PREX1: variants seen among roughly 807,000 people sequenced by gnomAD.
The protein encoded by PREX1 is phosphatidylinositol 3,4,5-trisphosphate-dependent Rac exchanger 1 protein.
PREX1 carries 41 observed loss-of-function variants against 198.3 expected under a neutral mutation model. The ratio of observed to expected loss-of-function variants is 0.21; its 90% confidence interval spans 0.16 to 0.27. The LOEUF (loss-of-function observed/expected upper bound fraction) is 0.27. Ranked by LOEUF, PREX1 falls within the 10% of genes least tolerant of loss-of-function variation. The pLI, the probability that PREX1 is intolerant of heterozygous loss-of-function variation, is 1.00. For missense variants in PREX1, 1,620 were observed against 2,200.7 expected (o/e 0.74, Z 5.28); for synonymous variants, 843 against 887.2 (o/e 0.95, Z 0.89).
At chr20:48,862,160 G>A in the PREX1 span, among the ~76,000 whole-genome samples, 1 of 152,090 alleles carries the variant, frequency 6.6e-6, no homozygotes, top group Admixed American at 6.6e-5. Context: ...AGTGAGCCGA[G>A]ACTGCCCCAC....
chr20:48,728,822 T>G (rs1268083695), intron 4 of PREX1, among the ~76,000 whole-genome samples: 1 of 152,052 alleles, frequency 6.6e-6, no homozygotes, highest in Admixed American at 6.5e-5. Context: ...CTTTATTTTC[T>G]TTTAAAAAAA....
the PREX1 span, among the ~76,000 whole-genome samples, chr20:48,835,881 G>A: frequency 6.6e-6 from 1 of 152,190 alleles, no homozygotes; most frequent in African/African-American, 2.4e-5. Context: ...GGAGGATACT[G>A]CACTAGTCCA....
rs1600539971 is a variant in PREX1, at chr20:48,827,869, G to T, written c.-9C>A. On this transcript the variant is annotated 5_prime_UTR_variant, in exon 1 of 40. Coordinates refer to ENST00000371941, the MANE Select transcript of PREX1 (RefSeq NM_020820.4). The surrounding 1 kb of genome is among the most constrained non-coding windows in gnomAD (Gnocchi z 4.1). ...CCGCTGGGCGCCTCCATTCTAGCGCGGCCGCGCGGCGCCGGCTCCTTCCGT... is the reference window on the plus strand; with the variant it reads ...CCGCTGGGCGCCTCCATTCTAGCGCTGCCGCGCGGCGCCGGCTCCTTCCGT... 3.1e-6 allele frequency: 3 copies of T among 979,554 alleles called. No individual in the cohort carries two copies. Among genetic ancestry groups the T allele is most frequent in the East Asian group, 2.3e-4 (2 of 8,740 alleles). The allele number at this position is 979,554 out of a possible 1,614,324, so 60.7% of individuals were successfully genotyped here. A position where few individuals can be genotyped will look rare whatever the true frequency, so the allele number is the denominator to read the frequency against.
Position 48,649,292 on chromosome 20 carries a change from G to A in PREX1, c.3305+8C>T. 1 of 1,610,348 alleles carries A rather than the reference G, an allele frequency of 6.2e-7. No individual in the cohort carries two copies. The highest frequency in any genetic ancestry group is 8.5e-7 in the Non-Finnish European group (1 of 1,177,246). On this transcript the variant is annotated splice_region_variant and intron_variant, in intron 25 of 39. Coordinates refer to ENST00000371941, the MANE Select transcript of PREX1 (RefSeq NM_020820.4). ...TGCTCACGCCGGACACCCCCGGCCA[G>A]CGCTCACCTGTTGATCTGGGTGACA...
chr20:48,711,974 C>T (rs535782858), intron 5 of PREX1, among the ~76,000 whole-genome samples: 2 of 152,328 alleles, frequency 1.3e-5, no homozygotes, highest in South Asian at 4.1e-4. Flanking sequence ...GTGCTGTCAG[C>T]ATGGAGCCAC....
At chr20:48,639,120 G>A (rs2089388716) in intron 30 of PREX1, among the ~76,000 whole-genome samples, 1 of 152,258 alleles carries the variant, frequency 6.6e-6, no homozygotes, top group East Asian at 1.9e-4. Context: ...GGTGATGTAA[G>A]ATGCGTGGAG....
Position 48,684,302 on chromosome 20 carries a change from T to C in PREX1, c.1335-2967A>G, listed in dbSNP as rs997289797. On this transcript the variant is annotated intron_variant, in intron 10 of 39. Coordinates refer to ENST00000371941, the MANE Select transcript of PREX1 (RefSeq NM_020820.4). The surrounding 1 kb of genome is among the most constrained non-coding windows in gnomAD (Gnocchi z 4.2). ...ACAAGAATCCCTTGTTCTTGCCTGA[T>C]TCCTCCATGGGCCGTGGGCTCCAAG... 3.3e-5 allele frequency among the ~76,000 whole-genome samples: 5 copies of C among 152,142 alleles called. No individual in the cohort carries two copies. The highest frequency in any genetic ancestry group is 2.6e-4 in the Admixed American group (4 of 15,288).
At chr20:48,687,290 T>G (rs1439716064) in intron 10 of PREX1, among the ~76,000 whole-genome samples, 1 of 152,186 alleles carries the variant, frequency 6.6e-6, no homozygotes, top group Non-Finnish European at 1.5e-5. Context: ...CGTCCACAAC[T>G]GCACTCGTGG....
intron 32 of PREX1, among the ~76,000 whole-genome samples, 192 bp downstream of exon 32, chr20:48,636,271 A>C (rs1445839574): frequency 6.6e-6 from 1 of 152,258 alleles, no homozygotes; most frequent in East Asian, 1.9e-4. Context: ...CCCTGGGTAC[A>C]GGGACTCTGT....
chr20:48,863,382 T>C, the PREX1 span, among the ~76,000 whole-genome samples: 1 of 152,122 alleles, frequency 6.6e-6, no homozygotes, highest in Non-Finnish European at 1.5e-5. Context: ...CATCCACCAT[T>C]ACCTTATTAG....
At chr20:48,743,172 G>A (rs1026620335) in intron 3 of PREX1, among the ~76,000 whole-genome samples, 3 of 152,234 alleles carry the variant, frequency 2.0e-5, no homozygotes. Context: ...GGCCCTGAGA[G>A]GTGAAAGGAC....
intron 38 of PREX1, 61 bp from the exon 39 acceptor site, chr20:48,627,676 C>T: frequency 5.3e-6 from 3 of 569,412 alleles, no homozygotes; most frequent in Non-Finnish European, 1.0e-5. Flanking sequence ...AGGAAGCACA[C>T]TGGGGGGTGG....
intron 13 of PREX1, 76 bp from the exon 14 acceptor site, chr20:48,676,344 C>A (rs918741843): frequency 7.3e-7 from 1 of 1,364,204 alleles, no homozygotes; most frequent in South Asian, 1.2e-5. Context: ...GACTTCCCTG[C>A]AGGACGTGCC....
chr20:48,679,833 A>G (rs1450212228), intron 11 of PREX1, 79 bp from the exon 12 acceptor site: 2 of 1,074,416 alleles, frequency 1.9e-6, no homozygotes, highest in Admixed American at 1.8e-5. Context: ...ATTGGCCTTC[A>G]CTGCCAGCCA....
chr20:48,809,615 T>C (rs888848817), intron 1 of PREX1, among the ~76,000 whole-genome samples: 26 of 152,332 alleles, frequency 1.7e-4, no homozygotes, highest in Admixed American at 9.1e-4. Context: ...GTCTTTATTA[T>C]TGTTCTTGTT....
chr20:48,640,954 A>G (rs1258278093), intron 29 of PREX1, among the ~76,000 whole-genome samples: 1 of 151,554 alleles, frequency 6.6e-6, no homozygotes, highest in Non-Finnish European at 1.5e-5. Flanking sequence ...GGACGGATGG[A>G]TTGATGGGTG....
At chr20:48,723,731 CTG>C (rs2089997246) in intron 5 of PREX1, among the ~76,000 whole-genome samples, 1 of 152,232 alleles carries the variant, frequency 6.6e-6, no homozygotes, top group South Asian at 2.1e-4. Flanking sequence ...CCTGCTCTCT[CTG>C]TTCTCCTGGG....
intron 25 of PREX1, among the ~76,000 whole-genome samples, chr20:48,648,111 T>TGCCCAGGCTGGTC (rs2089464904): frequency 6.6e-6 from 1 of 152,150 alleles, no homozygotes; most frequent in African/African-American, 2.4e-5. Context: ...TTCACTACGT[T>TGCCCAGGCTGGTC]GCCCAGGCTG....
At position 48,624,821 on chromosome 20, in the gene PREX1, G is replaced by A. The variant is rs761067912; in HGVS notation, c.*1064C>T. ...AGTGACCCTCTAACCCGTGTGACAC[G>A]GCACCTCAGGTGGGGCTCCATCCCC... On this transcript the variant is annotated 3_prime_UTR_variant, in exon 40 of 40. Coordinates refer to ENST00000371941, the MANE Select transcript of PREX1 (RefSeq NM_020820.4). 2 of 152,232 alleles carry A rather than the reference G, an allele frequency of 1.3e-5. No individual in the cohort carries two copies. The highest frequency in any genetic ancestry group is 2.4e-5 in the African/African-American group (1 of 41,424). The allele number at this position is 152,232 out of a possible 1,614,324, so 9.4% of individuals were successfully genotyped here.
Sources: allele counts gnomAD v4.1 joint callset (sites outside exome capture counted in the v4.1 genomes callset), GRCh38; gene constraint gnomAD v4.1.1; non-coding constraint Gnocchi (gnomAD v3.1); transcripts MANE v1.5; gene names NCBI Gene and HGNC (gene_info 2026-07-23, HGNC 2026-07-21).